Variants in TPRG1L observed in about 807,000 individuals in gnomAD.
The protein encoded by TPRG1L is tumor protein p63 regulated 1 like.
Under a neutral mutation model 29.4 loss-of-function variants are expected in TPRG1L, and 25 were observed. The observed-to-expected ratio is 0.85, with a 90% CI of 0.62 to 1.19. The LOEUF (loss-of-function observed/expected upper bound fraction) is 1.19, where lower values mean the gene tolerates loss of function less well. Ranked by LOEUF, TPRG1L falls within the 50% of genes most tolerant of loss-of-function variation. TPRG1L has a pLI of 0.00. For synonymous variants in TPRG1L, 182 were observed against 151.1 expected (o/e 1.20, Z -1.50); for missense variants, 354 against 364.4 (o/e 0.97, Z 0.23).
At position 3,627,667 on chromosome 1, in the gene TPRG1L, C is replaced by G; in HGVS notation, c.624+14C>G. On this transcript the variant is annotated intron_variant, in intron 4 of 4. Transcript: ENST00000378344. Reference sequence around the variant, plus strand: ...TCTCTGTGTCAGGTAAGAAGACAGGCACATAAATAGCCGCGCCCCCCGCAG... The same window carrying G: ...TCTCTGTGTCAGGTAAGAAGACAGGGACATAAATAGCCGCGCCCCCCGCAG... 6.3e-7 allele frequency: 1 copy of G among 1,595,566 alleles called. No homozygotes were observed. The highest frequency in any genetic ancestry group is 8.5e-7 in the Non-Finnish European group (1 of 1,174,828).
At chr1:3,626,904 T>A (rs1570283123) in intron 3 of TPRG1L, among the ~76,000 whole-genome samples, 1 of 152,198 alleles carries the variant, frequency 6.6e-6, no homozygotes, top group Non-Finnish European at 1.5e-5. Flanking sequence ...TAATTTTTAA[T>A]CATGTAAAGA....
rs938810825 is a variant in TPRG1L, at chr1:3,625,129, G to A, written c.57G>A (p.Leu19=). Reference sequence around the variant, plus strand: ...CCGGTACGAGCCCCACGGCGGTGCTGGCGGCCGGCGAGGAGGTGGGGGCAG... The same window carrying A: ...CCGGTACGAGCCCCACGGCGGTGCTAGCGGCCGGCGAGGAGGTGGGGGCAG... ...DSAGTSPTAV[L]AAGEEVGAGG... is the part of the protein sequence containing the mutation. The change falls in exon 1 of 5, where the codon CTG becomes CTA. Residue 19 remains leucine, a synonymous_variant. Transcript: ENST00000378344. 2 of 1,231,080 alleles carry A rather than the reference G, an allele frequency of 1.6e-6. No homozygotes were observed. The highest frequency in any genetic ancestry group is 2.0e-6 in the Non-Finnish European group (2 of 981,444). The allele number at this position is 1,231,080 out of a possible 1,614,324, so 76.3% of individuals were successfully genotyped here. A position where few individuals can be genotyped will look rare whatever the true frequency, so the allele number is the denominator to read the frequency against.
chr1:3,627,743 C>T (rs1200812200), intron 4 of TPRG1L, 90 bp downstream of exon 4: 44 of 1,535,614 alleles, frequency 2.9e-5, no homozygotes, highest in South Asian at 7.0e-5. Flanking sequence ...CTGCACTGTC[C>T]GGCGGCCACG....
chr1:3,628,631 TTCTGGGAGCTCCTCC>T lies in TPRG1L; in HGVS notation c.*29_*43del. 2.3e-6 allele frequency: 3 copies of T among 1,326,598 alleles called. No homozygotes were observed. Among genetic ancestry groups the T allele is most frequent in the East Asian group, 6.0e-5 (2 of 33,058 alleles). 82.2% of individuals were successfully genotyped at this position (1,326,598 alleles called of 1,614,324 possible). Reference sequence around the variant, plus strand: ...GCTGCGTTCTGGGAGCTCCTCCCCCTTCTGGGAGCTCCTCCCCCTCCCCAGAAGGCCAAGGGATGT... The same window carrying T: ...GCTGCGTTCTGGGAGCTCCTCCCCCTCCCTCCCCAGAAGGCCAAGGGATGT... On this transcript the variant is annotated 3_prime_UTR_variant, in exon 5 of 5. Coordinates refer to ENST00000378344, the MANE Select transcript of TPRG1L (RefSeq NM_182752.4).
chr1:3,626,181 T>G (rs1644487541), intron 3 of TPRG1L, among the ~76,000 whole-genome samples: 1 of 152,226 alleles, frequency 6.6e-6, no homozygotes, highest in South Asian at 2.1e-4. Flanking sequence ...AAAAAGGAAC[T>G]TGGATGTTCT....
intron 3 of TPRG1L, among the ~76,000 whole-genome samples, 166 bp downstream of exon 3, chr1:3,626,055 G>A (rs1408892369): frequency 6.6e-6 from 1 of 152,220 alleles, no homozygotes; most frequent in Non-Finnish European, 1.5e-5. Flanking sequence ...AAAAAGAAGC[G>A]ACTTCTGGGC....
Position 3,625,115 on chromosome 1 carries a change from C to A in TPRG1L, c.43C>A (p.Pro15Thr). ...CTCGGTGGACTCGGCCGGTACGAGC[C>A]CCACGGCGGTGCTGGCGGCCGGCGA... ...RDSVDSAGTS[P>T]TAVLAAGEEV... The change falls in exon 1 of 5, where the codon CCC becomes ACC. Residue 15 changes from proline to threonine, a missense_variant. Coordinates refer to ENST00000378344, the MANE Select transcript of TPRG1L (RefSeq NM_182752.4). 1 of 1,227,578 alleles carries A rather than the reference C, an allele frequency of 8.1e-7. No homozygotes were observed. The highest frequency in any genetic ancestry group is 1.0e-6 in the Non-Finnish European group (1 of 978,652). The allele number at this position is 1,227,578 out of a possible 1,614,324, so 76.0% of individuals were successfully genotyped here.
Position 3,628,461 on chromosome 1 carries a change from A to G in TPRG1L, c.677A>G (p.Glu226Gly), listed in dbSNP as rs773825329. 31 of 1,613,424 alleles carry G rather than the reference A, an allele frequency of 1.9e-5. No individual in the cohort carries two copies. Among genetic ancestry groups the G allele is most frequent in the African/African-American group, 2.7e-5 (2 of 74,916 alleles). Residue 226 changes from glutamate to glycine, a missense_variant, in exon 5 of 5, where the codon GAA becomes GGA. Transcript: ENST00000378344. ...LIQAVKKAQK[E>G]SPLPGQANGV... Reference sequence around the variant, plus strand: ...CAAGCTGTCAAAAAAGCCCAAAAAGAAAGCCCTTTGCCAGGACAGGCGAAT... The same window carrying G: ...CAAGCTGTCAAAAAAGCCCAAAAAGGAAGCCCTTTGCCAGGACAGGCGAAT...
At chr1:3,626,013 C>A in intron 3 of TPRG1L, 124 bp downstream of exon 3, 1 of 933,518 alleles carries the variant, frequency 1.1e-6, no homozygotes, top group Non-Finnish European at 1.5e-6. Flanking sequence ...AGCACAAAGG[C>A]TCCAGCTCCA....
At chr1:3,628,255 C>T (rs945334903) in intron 4 of TPRG1L, among the ~76,000 whole-genome samples, 154 bp from the exon 5 acceptor site, 3 of 152,224 alleles carry the variant, frequency 2.0e-5, no homozygotes, top group Non-Finnish European at 2.9e-5. Flanking sequence ...GAGAGACCCC[C>T]AGGATGTGGC....
At position 3,625,843 on chromosome 1, in the gene TPRG1L, A is replaced by T. The variant is rs1012587112; in HGVS notation, c.424A>T (p.Thr142Ser). Residue 142 changes from threonine (T) to serine (S), a missense_variant, in exon 3 of 5, where the codon ACC (threonine) becomes TCC (serine). Thr to Ser is a moderately conservative substitution (Grantham distance 58). Transcript: ENST00000378344. ...VVRIALNAVD[T>S]ISYGEFQFPP... ...GCGGATAGCGCTCAACGCAGTAGAC[A>T]CCATTTCCTACGGAGAATTCCAGTT... 7 of 1,613,044 alleles carry T rather than the reference A, an allele frequency of 4.3e-6. No individual in the cohort carries two copies. Among genetic ancestry groups the T allele is most frequent in the Non-Finnish European group, 5.9e-6 (7 of 1,180,008 alleles).
At position 3,625,856 on chromosome 1, in the gene TPRG1L, G is replaced by C. The variant is rs762473371; in HGVS notation, c.437G>C (p.Gly146Ala). ...AACGCAGTAGACACCATTTCCTACG[G>C]AGAATTCCAGTTTCCCCCTAAATCG... The part of the protein sequence containing the change: ...ALNAVDTISY[G>A]EFQFPPKSLN... Residue 146 changes from glycine (G) to alanine (A), a missense_variant, in exon 3 of 5, where the codon GGA (glycine) becomes GCA (alanine). Coordinates refer to ENST00000378344, the MANE Select transcript of TPRG1L (RefSeq NM_182752.4). 3.7e-6 allele frequency: 6 copies of C among 1,612,730 alleles called. No homozygotes were observed. Among genetic ancestry groups the C allele is most frequent in the Non-Finnish European group, 4.2e-6 (5 of 1,179,966 alleles).
Position 3,628,404 on chromosome 1 carries a change from T to TA in TPRG1L, c.625-2dup. On this transcript the variant is annotated splice_region_variant and splice_polypyrimidine_tract_variant and intron_variant, in intron 4 of 4. Coordinates refer to ENST00000378344, the MANE Select transcript of TPRG1L (RefSeq NM_182752.4). ...TTAAAGCTCCATGTTTTTCTCTCTT[T>TA]AAAGTTGGAAAGCTTCAAGGCTCTG... The TA allele has an allele frequency of 6.3e-7, 1 of 1,589,496 alleles. No homozygotes were observed. The highest frequency in any genetic ancestry group is 8.6e-7 in the Non-Finnish European group (1 of 1,165,032).
In TPRG1L at chr1:3,629,151, G is replaced by A. The variant is rs1041951710; in HGVS notation, c.*548G>A. On this transcript the variant is annotated 3_prime_UTR_variant, in exon 5 of 5. Transcript: ENST00000378344. ...GACCGGTTGACTGAGACCGGTCTGT[G>A]GCTGTGGGCCCCTTGGTGACCCGCT... 2.6e-5 allele frequency: 4 copies of A among 152,152 alleles called. No individual in the cohort carries two copies. Among genetic ancestry groups the A allele is most frequent in the African/African-American group, 9.7e-5 (4 of 41,430 alleles). The allele number at this position is 152,152 out of a possible 1,614,324, so 9.4% of individuals were successfully genotyped here.
Position 3,627,501 on chromosome 1 carries a change from C to T in TPRG1L, c.472C>T (p.Arg158Ter), listed in dbSNP as rs370133742. Residue 158 changes from arginine (R) to a stop codon, truncating the protein, a stop_gained and splice_region_variant, in exon 4 of 5, where the codon CGA becomes TGA. Coordinates refer to ENST00000378344, the MANE Select transcript of TPRG1L (RefSeq NM_182752.4). LOFTEE classifies it high-confidence loss of function. ...FQFPPKSLNK[R>*]EGFGIRIQWD... ...TGGCTATTTCTTCTGACTTTTCAGGCGAGAAGGTTTTGGGATTCGAATTCA... is the reference window on the plus strand; with the variant it reads ...TGGCTATTTCTTCTGACTTTTCAGGTGAGAAGGTTTTGGGATTCGAATTCA... The T allele has an allele frequency of 6.8e-6, 11 of 1,613,844 alleles. No homozygotes were observed. Among genetic ancestry groups the T allele is most frequent in the African/African-American group, 1.3e-5 (1 of 75,028 alleles).
At position 3,629,401 on chromosome 1, in the gene TPRG1L, C is replaced by T. The variant is rs1644509863; in HGVS notation, c.*798C>T. The stretch of plus-strand genomic sequence containing the variant: ...ATTCATAGTTAAAGGGAATCGGGTA[C>T]TTTGCTTGTTGAATAATGCACTTTA... On this transcript the variant is annotated 3_prime_UTR_variant, in exon 5 of 5. Coordinates refer to ENST00000378344, the MANE Select transcript of TPRG1L (RefSeq NM_182752.4). 1.3e-5 allele frequency: 2 copies of T among 152,222 alleles called. No homozygotes were observed. The highest frequency in any genetic ancestry group is 1.3e-4 in the Admixed American group (2 of 15,282). 9.4% of individuals were successfully genotyped at this position (152,222 alleles called of 1,614,324 possible).
chr1:3,627,101 A>G (rs1367217733), intron 3 of TPRG1L, among the ~76,000 whole-genome samples: 1 of 152,076 alleles, frequency 6.6e-6, no homozygotes, highest in Non-Finnish European at 1.5e-5. Flanking sequence ...ACCTGAGGTC[A>G]GGAGTTTGAG....
intron 3 of TPRG1L, 72 bp from the exon 4 acceptor site, chr1:3,627,428 A>G (rs1644497800): frequency 6.4e-7 from 1 of 1,562,086 alleles, no homozygotes; most frequent in Admixed American, 1.7e-5. Flanking sequence ...CTAACTGATG[A>G]GACTGTCAGA....
rs1459114737 is a variant in TPRG1L, at chr1:3,625,531, G to A, written c.293+16G>A. On this transcript the variant is annotated intron_variant, in intron 2 of 4. Coordinates refer to ENST00000378344, the MANE Select transcript of TPRG1L (RefSeq NM_182752.4). Reference sequence around the variant, plus strand: ...TGCTTACCGAGTAAGCCGGGGCTGCGCTCTCCTTGGTGGGGGGACTCGCCC... The same window carrying A: ...TGCTTACCGAGTAAGCCGGGGCTGCACTCTCCTTGGTGGGGGGACTCGCCC... 3.2e-6 allele frequency: 5 copies of A among 1,585,916 alleles called. No homozygotes were observed. The East Asian group carries it at 9.2e-5, about 29-fold the overall frequency.
Sources: allele counts gnomAD v4.1 joint callset (sites outside exome capture counted in the v4.1 genomes callset), GRCh38; gene constraint gnomAD v4.1.1; transcripts MANE v1.5; gene names NCBI Gene and HGNC (gene_info 2026-07-23, HGNC 2026-07-21).